CTNNA2: variants seen among roughly 807,000 people sequenced by gnomAD.
CTNNA2 encodes the protein catenin alpha-2.
CTNNA2 carries 42 observed loss-of-function variants against 101.0 expected under a neutral mutation model. The ratio of observed to expected loss-of-function variants is 0.42; its 90% confidence interval spans 0.32 to 0.54. The LOEUF is 0.54. Among genes scored for constraint, CTNNA2 ranks in the 20% least tolerant of loss-of-function variants. CTNNA2 has a pLI of 0.14. For missense variants in CTNNA2, 871 were observed against 1,223.1 expected (o/e 0.71, Z 4.29); for synonymous variants, 450 against 456.4 (o/e 0.99, Z 0.18).
At chr2:79,976,509 G>A (rs1690852528) in intron 7 of CTNNA2, among the ~76,000 whole-genome samples, 1 of 152,122 alleles carries the variant, frequency 6.6e-6, no homozygotes, top group African/African-American at 2.4e-5. Flanking sequence ...CTTTCCATCA[G>A]TGCAAGTTCA....
chr2:80,407,198 C>G (rs1202968479), intron 8 of CTNNA2, among the ~76,000 whole-genome samples: 1 of 152,164 alleles, frequency 6.6e-6, no homozygotes, highest in African/African-American at 2.4e-5. Flanking sequence ...TAACAAAAGT[C>G]GTTTGGTCAA....
At chr2:80,530,252 C>G (rs1439886790) in intron 9 of CTNNA2, among the ~76,000 whole-genome samples, 1 of 152,176 alleles carries the variant, frequency 6.6e-6, no homozygotes, top group Non-Finnish European at 1.5e-5. Context: ...CGGCACTGCT[C>G]TGCCCTGCTT....
chr2:79,600,369 G>C (rs892600091), intron 1 of CTNNA2, among the ~76,000 whole-genome samples: 5 of 151,916 alleles, frequency 3.3e-5, no homozygotes, highest in Admixed American at 2.6e-4. Context: ...GTAGAGACAG[G>C]GTTTCGCCCT....
intron 7 of CTNNA2, among the ~76,000 whole-genome samples, chr2:80,085,878 C>T (rs563730036): frequency 1.1e-3 from 174 of 152,048 alleles, no homozygotes; most frequent in African/African-American, 4.0e-3. Context: ...ATCTATGTAA[C>T]GCAAAAGACT....
chr2:80,642,472 G>A (rs1177694148), intron 18 of CTNNA2, among the ~76,000 whole-genome samples: 1 of 152,144 alleles, frequency 6.6e-6, no homozygotes, highest in East Asian at 1.9e-4. Context: ...ACAGTAGTTG[G>A]CAGAAAGTAT....
chr2:80,606,409 CACA>C lies in CTNNA2; in HGVS notation c.2296-1774_2296-1772del, dbSNP rs1236364595. Among the ~76,000 whole-genome samples, 31 of 52,624 alleles carry C rather than the reference CACA, an allele frequency of 5.9e-4. No individual in the cohort carries two copies. In the East Asian group the frequency reaches 7.4e-3, roughly 13 times the overall value. The allele number at this position is 52,624 out of a possible 152,430, so 34.5% of individuals were successfully genotyped here. ...ACACACACACACACACACACACACA[CACA>C]CCCCCCAGGATACATTTATTTTGAG... On this transcript the variant is annotated intron_variant, in intron 16 of 18. Transcript: ENST00000402739.
At chr2:80,235,935 A>G (rs1360712507) in intron 7 of CTNNA2, among the ~76,000 whole-genome samples, 1 of 152,078 alleles carries the variant, frequency 6.6e-6, no homozygotes, top group African/African-American at 2.4e-5. Flanking sequence ...CTCAATAGTT[A>G]TTTTGTCTGC....
intron 4 of CTNNA2, among the ~76,000 whole-genome samples, chr2:79,431,894 A>G (rs1455247653): frequency 6.6e-6 from 1 of 152,178 alleles, no homozygotes; most frequent in Admixed American, 6.5e-5. Flanking sequence ...TCAATATGCA[A>G]TTGTGGAACA....
chr2:80,246,402 G>T (rs1329459606), intron 7 of CTNNA2, among the ~76,000 whole-genome samples: 1 of 152,212 alleles, frequency 6.6e-6, no homozygotes, highest in Non-Finnish European at 1.5e-5. Context: ...CAAGGTTATT[G>T]TTGCAATTAA....
intron 3 of CTNNA2, among the ~76,000 whole-genome samples, chr2:79,777,892 GTTT>G (rs58015801): frequency 7.2e-6 from 1 of 139,786 alleles, no homozygotes; most frequent in Non-Finnish European, 1.6e-5. Context: ...TTTGCATGGG[GTTT>G]TTTTTTTTTT....
chr2:79,252,938 T>C (rs1674792229), intron 2 of CTNNA2, among the ~76,000 whole-genome samples: 1 of 152,168 alleles, frequency 6.6e-6, no homozygotes, highest in African/African-American at 2.4e-5. Context: ...AGTTCTCTTC[T>C]CTCAGCATTT....
intron 9 of CTNNA2, among the ~76,000 whole-genome samples, chr2:80,542,804 T>A (rs1372086043): frequency 6.6e-6 from 1 of 151,998 alleles, no homozygotes; most frequent in Non-Finnish European, 1.5e-5. Flanking sequence ...ATAGGAAAAA[T>A]TTAATTGAAT....
chr2:79,592,669 A>C (rs185095649), intron 1 of CTNNA2, among the ~76,000 whole-genome samples: 1 of 152,264 alleles, frequency 6.6e-6, no homozygotes, highest in Admixed American at 6.5e-5. Context: ...ATGCTATATT[A>C]ATTTTTGTAT....
chr2:80,015,024 A>G (rs1026015629), intron 7 of CTNNA2, among the ~76,000 whole-genome samples: 3 of 152,190 alleles, frequency 2.0e-5, no homozygotes, highest in African/African-American at 7.2e-5. Flanking sequence ...AACTGGACCA[A>G]AAAGTTATTT....
chr2:80,457,458 G>T (rs1194940295), intron 9 of CTNNA2, among the ~76,000 whole-genome samples: 1 of 151,948 alleles, frequency 6.6e-6, no homozygotes, highest in Non-Finnish European at 1.5e-5. Context: ...AGTAAAAAAA[G>T]AAAGAAAAAT....
intron 1 of CTNNA2, 26 bp downstream of exon 1, chr2:79,513,233 A>T (rs1212369085): frequency 6.7e-6 from 1 of 148,406 alleles, no homozygotes; most frequent in East Asian, 2.0e-4. Context: ...AGCATCCTCC[A>T]TCCCTGCCTG....
chr2:79,482,618 ATCTCAGAACTCTAT>A lies in CTNNA2; in HGVS notation c.-134-22433_-134-22420del, dbSNP rs1671121087. 1.3e-5 allele frequency among the ~76,000 whole-genome samples: 2 copies of A among 152,102 alleles called. 1 individual carries two copies. The highest frequency in any genetic ancestry group is 4.1e-4 in the South Asian group (2 of 4,830). ...AGAGCATCATATTGTTCCAGTTCCT[ATCTCAGAACTCTAT>A]TCAAAGAGGTAAAAAGCCTATTTTA... On this transcript the variant is annotated intron_variant, in intron 4 of 21. Coordinates refer to the CTNNA2 transcript ENST00000466387.
chr2:79,750,045 G>A (rs1283261426), intron 3 of CTNNA2, among the ~76,000 whole-genome samples: 1 of 152,180 alleles, frequency 6.6e-6, no homozygotes, highest in Non-Finnish European at 1.5e-5. Context: ...TGCACGTGGT[G>A]TCCGCAAACT....
intron 7 of CTNNA2, among the ~76,000 whole-genome samples, chr2:80,240,817 G>C (rs1427049082): frequency 6.6e-6 from 1 of 152,168 alleles, no homozygotes; most frequent in Non-Finnish European, 1.5e-5. Flanking sequence ...GTTTGAGGGA[G>C]TTAACATATA....
Sources: allele counts gnomAD v4.1 joint callset (sites outside exome capture counted in the v4.1 genomes callset), GRCh38; gene constraint gnomAD v4.1.1; transcripts MANE v1.5; gene names NCBI Gene and HGNC (gene_info 2026-07-23, HGNC 2026-07-21).